Variants in PPT1 observed in about 807,000 individuals in gnomAD.
PPT1 encodes the protein ceroid-palmitoyl-palmitoyl-protein thioesterase 1.
Under a neutral mutation model 44.0 loss-of-function variants are expected in PPT1, and 24 were observed. The ratio of observed to expected loss-of-function variants is 0.54; its 90% confidence interval spans 0.39 to 0.77. PPT1 has a LOEUF of 0.77. Ranked by LOEUF, PPT1 falls within the 30% of genes least tolerant of loss-of-function variation. PPT1 has a pLI of 0.00. For synonymous variants in PPT1, 148 were observed against 140.2 expected (o/e 1.06, Z -0.39); for missense variants, 341 against 378.8 (o/e 0.90, Z 0.83).
At chr1:40,072,261 A>AAC (rs112387205), downstream of PPT1, 281 of 289,936 alleles carry the variant, frequency 9.7e-4, 1 homozygote, top group African/African-American at 8.4e-3. Flanking sequence ...GGAAAAAAAA[A>AAC]AAAAAAAAAA....
At chr1:40,081,723 G>A (rs1005095426) in intron 5 of PPT1, among the ~76,000 whole-genome samples, 35 of 151,958 alleles carry the variant, frequency 2.3e-4, no homozygotes, top group African/African-American at 7.0e-4. Flanking sequence ...GCCCAGTCTC[G>A]GGTATGTCTT....
rs201801086 is a variant in PPT1 at position 40,074,433 on chromosome 1, T to C, written c.799-250A>G. Among the ~76,000 whole-genome samples the C allele has an allele frequency of 2.5e-4, 27 of 107,980 alleles. No homozygotes were observed. In the Admixed American group the frequency reaches 2.7e-3, roughly 11 times the overall value. The allele number at this position is 107,980 out of a possible 152,430, so 70.8% of individuals were successfully genotyped here. On this transcript the variant is annotated intron_variant, in intron 8 of 8. Transcript: ENST00000642050. ...TCCCCCTCCTCCTGTCCCCCCCGCTTCTTCTTCTTCTTCCTCTCTCTCTCT... is the reference window on the plus strand; with the variant it reads ...TCCCCCTCCTCCTGTCCCCCCCGCTCCTTCTTCTTCTTCCTCTCTCTCTCT...
At position 40,089,406 on chromosome 1, in the gene PPT1, A is replaced by G. The variant is rs746586813; in HGVS notation, c.536+4T>C. ...CTGTAATCTTTTCAGCTAACCATACATACCGTTCCTGAACAACTTTGGAGT... is the reference window on the plus strand; with the variant it reads ...CTGTAATCTTTTCAGCTAACCATACGTACCGTTCCTGAACAACTTTGGAGT... On this transcript the variant is annotated splice_donor_region_variant and intron_variant, in intron 5 of 8. Coordinates refer to ENST00000642050, the MANE Select transcript of PPT1 (RefSeq NM_000310.4). 17 of 1,611,424 alleles carry G rather than the reference A, an allele frequency of 1.1e-5. No homozygotes were observed. The South Asian group carries it at 1.8e-4, about 17-fold the overall frequency.
chr1:40,083,766 C>A (rs1370336161), intron 5 of PPT1, among the ~76,000 whole-genome samples: 1 of 152,054 alleles, frequency 6.6e-6, no homozygotes, highest in Admixed American at 6.5e-5. Context: ...ATTCTAGATG[C>A]CATTAAGAAC....
At chr1:40,084,231 G>T (rs1649134455) in intron 5 of PPT1, among the ~76,000 whole-genome samples, 2 of 152,232 alleles carry the variant, frequency 1.3e-5, no homozygotes, top group Non-Finnish European at 2.9e-5. Flanking sequence ...AGTGGAACCT[G>T]ACGATGTGAC....
intron 8 of PPT1, 141 bp from the exon 9 acceptor site, chr1:40,074,324 A>G: frequency 1.0e-6 from 1 of 984,514 alleles, no homozygotes; most frequent in Non-Finnish European, 1.6e-6. Flanking sequence ...AAAAATGCCA[A>G]AAAGAATATC....
At position 40,074,119 on chromosome 1, in the gene PPT1, T is replaced by G. The variant is rs1281579931; in HGVS notation, c.863A>C (p.Asp288Ala). 1.2e-6 allele frequency: 2 copies of G among 1,613,976 alleles called. No homozygotes were observed. The highest frequency in any genetic ancestry group is 1.7e-6 in the Non-Finnish European group (2 of 1,180,002). ...GQLVFLATEG[D>A]HLQLSEEWFY... ...CCATTCTTCAGACAACTGAAGATGG[T>G]CCCCTTCTGTAGCCAGAAACACTAG... The change falls in exon 9 of 9, where the codon GAC (aspartate) becomes GCC (alanine). Residue 288 changes from aspartate (D) to alanine (A), a missense_variant. Coordinates refer to ENST00000642050, the MANE Select transcript of PPT1 (RefSeq NM_000310.4).
chr1:40,090,131 A>G (rs1007248754), intron 4 of PPT1, among the ~76,000 whole-genome samples: 5 of 152,122 alleles, frequency 3.3e-5, no homozygotes, highest in Admixed American at 6.5e-5. Context: ...GTGTCCTTCG[A>G]ACAGTATCCT....
At chr1:40,092,775 T>C (rs1649638292) in intron 1 of PPT1, among the ~76,000 whole-genome samples, 1 of 152,240 alleles carries the variant, frequency 6.6e-6, no homozygotes, top group Non-Finnish European at 1.5e-5. Flanking sequence ...GATATACAAA[T>C]GGCTAACCAC....
At chr1:40,077,872 A>G (rs1253706958) in intron 7 of PPT1, among the ~76,000 whole-genome samples, 3 of 152,186 alleles carry the variant, frequency 2.0e-5, no homozygotes, top group East Asian at 1.9e-4. Flanking sequence ...GCGTGCAGAC[A>G]AGGCAGATTA....
chr1:40,090,332 T>TCG (rs1210718479), intron 4 of PPT1, among the ~76,000 whole-genome samples: 1 of 151,234 alleles, frequency 6.6e-6, no homozygotes, highest in African/African-American at 2.5e-5. Flanking sequence ...CTCCATTTTA[T>TCG]CGTGTATATA....
Position 40,084,954 on chromosome 1 carries a change from C to T in PPT1, c.536+4456G>A, listed in dbSNP as rs1221435104. Among the ~76,000 whole-genome samples, 4 of 152,250 alleles carry T rather than the reference C, an allele frequency of 2.6e-5. No homozygotes were observed. The East Asian group carries it at 7.7e-4, about 29-fold the overall frequency. On this transcript the variant is annotated intron_variant, in intron 5 of 8. Transcript: ENST00000642050. ...CAAGCGGACCGTGGTCTAGTGGTAG[C>T]GTCAGTGCCAAGGAAAAACACCCAC... is the stretch of plus-strand genomic sequence containing the variant.
intron 8 of PPT1, among the ~76,000 whole-genome samples, chr1:40,075,958 CAAAAAAAAAAAAAAA>C (rs56338772): frequency 2.4e-4 from 10 of 41,848 alleles, no homozygotes; most frequent in African/African-American, 5.7e-4. Flanking sequence ...AAGACTGTCT[CAAAAAAAAAAAAAAA>C]AAAAAAAAAA....
At chr1:40,081,663 G>T (rs1211778786) in intron 5 of PPT1, among the ~76,000 whole-genome samples, 2 of 152,290 alleles carry the variant, frequency 1.3e-5, no homozygotes, top group East Asian at 3.9e-4. Flanking sequence ...CCATGATTGT[G>T]AGGCTTCCCC....
chr1:40,097,037 A>C (rs542780546), intron 1 of PPT1, 78 bp downstream of exon 1: 135 of 1,611,624 alleles, frequency 8.4e-5, no homozygotes, highest in Non-Finnish European at 1.0e-4. Context: ...CGCCCTCTAC[A>C]CCCGCATTTT....
At chr1:40,092,306 T>C in intron 2 of PPT1, 92 bp downstream of exon 2, 1 of 1,527,872 alleles carries the variant, frequency 6.5e-7, no homozygotes, top group Non-Finnish European at 9.1e-7. Flanking sequence ...CTGTATGATC[T>C]GCTGCTGAAA....
rs542784393 is a variant in PPT1, at chr1:40,076,995, A to G, written c.727-82T>C. ...AATAATTTGAGACTGGTTAGAAGCT[A>G]AAACTGCCAACAAAGTGAACATCAT... On this transcript the variant is annotated intron_variant, in intron 7 of 8. Transcript: ENST00000642050. 563 of 1,502,052 alleles carry G rather than the reference A, an allele frequency of 3.7e-4. 5 individuals carry two copies. The African/African-American group carries it at 6.5e-3, about 17-fold the overall frequency. The allele number at this position is 1,502,052 out of a possible 1,614,324, so 93.0% of individuals were successfully genotyped here.
chr1:40,080,323 A>T, intron 6 of PPT1, 74 bp downstream of exon 6: 1 of 1,442,198 alleles, frequency 6.9e-7, no homozygotes, highest in Non-Finnish European at 9.8e-7. Context: ...GTAAACAGTC[A>T]CTGCTGATTT....
At chr1:40,078,931 T>C in intron 6 of PPT1, 3 of 422,864 alleles carry the variant, frequency 7.1e-6, no homozygotes, top group South Asian at 5.6e-5. Flanking sequence ...TTTGGGGTTC[T>C]GTTGATCCTT....
Sources: allele counts gnomAD v4.1 joint callset (sites outside exome capture counted in the v4.1 genomes callset), GRCh38; gene constraint gnomAD v4.1.1; transcripts MANE v1.5; gene names NCBI Gene and HGNC (gene_info 2026-07-23, HGNC 2026-07-21).